CCDC172: variants seen among roughly 807,000 people sequenced by gnomAD.
CCDC172 encodes coiled-coil domain-containing protein 172.
In CCDC172, 30 loss-of-function variants were observed where a neutral mutation model predicts 38.0. The observed-to-expected ratio is 0.79, with a 90% CI of 0.59 to 1.07. The LOEUF (loss-of-function observed/expected upper bound fraction) is 1.07, where lower values mean the gene tolerates loss of function less well. Ranked by LOEUF, CCDC172 falls within the 50% of genes least tolerant of loss-of-function variation. CCDC172 has a pLI of 0.00. For synonymous variants in CCDC172, 78 were observed against 88.3 expected (o/e 0.88, Z 0.66); for missense variants, 297 against 290.1 (o/e 1.02, Z -0.17).
intron 5 of CCDC172, among the ~76,000 whole-genome samples, chr10:116,342,801 A>T (rs1767631468): frequency 6.6e-6 from 1 of 152,080 alleles, no homozygotes; most frequent in Admixed American, 6.6e-5. Flanking sequence ...GTTGTTTAAA[A>T]GTATGTAGCA....
intron 4 of CCDC172, 101 bp downstream of exon 4, chr10:116,340,951 A>G (rs1357796286): frequency 1.3e-6 from 1 of 752,404 alleles, no homozygotes. Context: ...TGTGCATATT[A>G]GCAGGTAGTA....
At position 116,357,924 on chromosome 10, in the gene CCDC172, T is replaced by C. The variant is rs148474724; in HGVS notation, c.639T>C (p.Asp213=). The change falls in exon 7 of 9, where the codon GAT becomes GAC. Residue 213 remains aspartate, a synonymous_variant. Coordinates refer to ENST00000333254, the MANE Select transcript of CCDC172 (RefSeq NM_198515.3). ...KIKISEKPQN[D]TECLRLKKEL... is the part of the protein sequence containing the mutation. The stretch of plus-strand genomic sequence containing the variant: ...AAATCAGTGAAAAGCCTCAAAATGA[T>C]ACAGAATGCTTAAGGTAAGAGTTTC... The C allele has an allele frequency of 6.9e-5, 108 of 1,569,814 alleles. 1 individual carries two copies. The African/African-American group carries it at 1.2e-3, about 17-fold the overall frequency.
At chr10:116,335,494 T>C (rs1844719074) in intron 3 of CCDC172, among the ~76,000 whole-genome samples, 1 of 151,736 alleles carries the variant, frequency 6.6e-6, no homozygotes, top group Non-Finnish European at 1.5e-5. Flanking sequence ...CTAGATAAAT[T>C]TGAAAATCAT....
intron 3 of CCDC172, among the ~76,000 whole-genome samples, chr10:116,335,775 A>G (rs1844722819): frequency 6.6e-6 from 1 of 152,078 alleles, no homozygotes; most frequent in Admixed American, 6.6e-5. Context: ...TTTGTTGGTA[A>G]CTAGAATAGA....
chr10:116,374,247 C>G (rs780985953), intron 7 of CCDC172, among the ~76,000 whole-genome samples: 1 of 151,706 alleles, frequency 6.6e-6, no homozygotes, highest in Non-Finnish European at 1.5e-5. Context: ...TTCATATATG[C>G]CAAAAAGAAG....
At chr10:116,362,093 G>A (rs1407204998) in intron 7 of CCDC172, among the ~76,000 whole-genome samples, 1 of 152,172 alleles carries the variant, frequency 6.6e-6, no homozygotes, top group Non-Finnish European at 1.5e-5. Flanking sequence ...GGGAGGCTGA[G>A]GCAGGAGAAT....
chr10:116,340,442 C>G (rs919575660), intron 3 of CCDC172, among the ~76,000 whole-genome samples: 1 of 151,726 alleles, frequency 6.6e-6, no homozygotes, highest in Non-Finnish European at 1.5e-5. Context: ...AGCGTTAGTA[C>G]CTAGCTAAGA....
At chr10:116,357,570 C>A (rs1438102898) in intron 6 of CCDC172, 89 bp downstream of exon 6, 4 of 1,097,782 alleles carry the variant, frequency 3.6e-6, no homozygotes, top group Non-Finnish European at 5.0e-6. Context: ...AATATATTAA[C>A]CTGTTGTGAT....
chr10:116,360,761 A>G (rs1273452975), intron 7 of CCDC172, among the ~76,000 whole-genome samples: 2 of 151,882 alleles, frequency 1.3e-5, no homozygotes, highest in Admixed American at 1.3e-4. Context: ...CTGCTTCTCC[A>G]TCTCTTAAGT....
chr10:116,367,622 A>G (rs1845138129), intron 7 of CCDC172, among the ~76,000 whole-genome samples: 2 of 152,010 alleles, frequency 1.3e-5, no homozygotes, highest in South Asian at 4.1e-4. Flanking sequence ...CCCAGGAGGC[A>G]GAGCTTGCAG....
chr10:116,358,079 G>A (rs1381981080), intron 7 of CCDC172, 141 bp downstream of exon 7: 23 of 569,068 alleles, frequency 4.0e-5, no homozygotes, highest in East Asian at 1.3e-4. Flanking sequence ...ATTCTGACAC[G>A]TGCTAATAAG....
At chr10:116,356,170 A>G (rs1844993514) in intron 5 of CCDC172, among the ~76,000 whole-genome samples, 1 of 152,022 alleles carries the variant, frequency 6.6e-6, no homozygotes, top group East Asian at 1.9e-4. Flanking sequence ...TCTCTATTAA[A>G]AACACAAAAA....
intron 5 of CCDC172, among the ~76,000 whole-genome samples, chr10:116,355,621 G>T (rs2134946728): frequency 6.6e-6 from 1 of 152,210 alleles, no homozygotes; most frequent in Middle Eastern, 3.4e-3. Context: ...ATATACAGTG[G>T]AATTATATTC....
intron 7 of CCDC172, among the ~76,000 whole-genome samples, chr10:116,366,862 C>T (rs914370538): frequency 3.3e-5 from 5 of 152,178 alleles, no homozygotes; most frequent in Admixed American, 2.0e-4. Flanking sequence ...ATCTTGTGGA[C>T]ATAAGATGGT....
intron 3 of CCDC172, among the ~76,000 whole-genome samples, chr10:116,335,520 AAG>A (rs1261991025): frequency 1.3e-5 from 2 of 151,758 alleles, no homozygotes; most frequent in African/African-American, 4.8e-5. Context: ...CAAATTAAAA[AAG>A]AACCAAAATC....
At chr10:116,340,513 T>A (rs964718172) in intron 3 of CCDC172, among the ~76,000 whole-genome samples, 11 of 151,836 alleles carry the variant, frequency 7.2e-5, no homozygotes, top group Non-Finnish European at 1.6e-4. Flanking sequence ...GAGCCTATAG[T>A]CTTATTAGGG....
At chr10:116,365,315 A>G (rs1845110653) in intron 7 of CCDC172, among the ~76,000 whole-genome samples, 1 of 152,186 alleles carries the variant, frequency 6.6e-6, no homozygotes, top group Non-Finnish European at 1.5e-5. Flanking sequence ...GCAGTCTCTC[A>G]TTCTTATTTT....
chr10:116,340,737 C>T lies in CCDC172; in HGVS notation c.169C>T (p.Gln57Ter). 6.6e-7 allele frequency: 1 copy of T among 1,524,184 alleles called. No homozygotes were observed. The highest frequency in any genetic ancestry group is 9.0e-7 in the Non-Finnish European group (1 of 1,108,320). 94.4% of individuals were successfully genotyped at this position (1,524,184 alleles called of 1,614,324 possible). ...EEKIKLESKV[Q>*]QFFEKSFFLQ... The stretch of plus-strand genomic sequence containing the variant: ...TTTCTGTTTTTGTACTTTGAAGGTT[C>T]AACAGTTTTTTGAAAAATCCTTCTT... The change falls in exon 4 of 9, where the codon CAA becomes TAA. Residue 57 changes from glutamine to a stop codon, truncating the protein, a stop_gained. Transcript: ENST00000333254. LOFTEE classifies it high-confidence loss of function.
At chr10:116,345,957 G>C (rs1223756225) in intron 5 of CCDC172, among the ~76,000 whole-genome samples, 2 of 152,154 alleles carry the variant, frequency 1.3e-5, no homozygotes, top group East Asian at 3.9e-4. Flanking sequence ...AGATACTCCA[G>C]AGAGATGAAA....
Sources: allele counts gnomAD v4.1 joint callset (sites outside exome capture counted in the v4.1 genomes callset), GRCh38; gene constraint gnomAD v4.1.1; transcripts MANE v1.5; gene names NCBI Gene and HGNC (gene_info 2026-07-23, HGNC 2026-07-21).